The following FAM227A variants were observed in gnomAD, a reference collection of about 807,000 sequenced individuals.
FAM227A encodes the protein family with sequence similarity 227 member A, also known as protein FAM227A.
FAM227A carries 80 observed loss-of-function variants against 74.7 expected under a neutral mutation model. The observed-to-expected ratio is 1.07, with a 90% CI of 0.89 to 1.29. The LOEUF (loss-of-function observed/expected upper bound fraction) is 1.29, where lower values mean the gene tolerates loss of function less well. Ranked by LOEUF, FAM227A falls within the 50% of genes most tolerant of loss-of-function variation. The probability of loss-of-function intolerance (pLI) is 0.00; values close to 1 mark genes in which losing one functional copy is unlikely to be tolerated. For synonymous variants in FAM227A, 237 were observed against 241.8 expected, an observed-to-expected ratio of 0.98 and a Z score of 0.19; for missense variants, 654 against 683.4, an observed-to-expected ratio of 0.96 and a Z score of 0.48.
Position 38,628,361 on chromosome 22 carries a change from A to C in FAM227A, c.622-19T>G, listed in dbSNP as rs548988659. 3 of 1,491,390 alleles carry C rather than the reference A, an allele frequency of 2.0e-6. No homozygotes were observed. The highest frequency in any genetic ancestry group is 2.7e-6 in the Non-Finnish European group (3 of 1,092,974). 92.4% of individuals were successfully genotyped at this position (1,491,390 alleles called of 1,614,324 possible). A position where few individuals can be genotyped will look rare whatever the true frequency, so the allele number is the denominator to read the frequency against. ...TGTTTGGCTGCCAGGAATAGAAATG[A>C]AAAAGGAATTACTAAAGTCCCTTGC... On this transcript the variant is annotated intron_variant, in intron 7 of 16. Coordinates refer to ENST00000535113, the MANE Select transcript of FAM227A (RefSeq NM_001013647.2).
intron 16 of FAM227A, among the ~76,000 whole-genome samples, chr22:38,589,719 TAAA>T (rs2146132659): frequency 6.6e-6 from 1 of 152,272 alleles, no homozygotes; most frequent in South Asian, 2.1e-4. Flanking sequence ...TTCTCAACAG[TAAA>T]AGCAGCAGGC....
At chr22:38,600,370 A>G (rs368266830) in intron 13 of FAM227A, among the ~76,000 whole-genome samples, 4 of 151,578 alleles carry the variant, frequency 2.6e-5, no homozygotes, top group Admixed American at 6.6e-5. Context: ...GTCTCAATCT[A>G]TCGCCCAGGC....
At chr22:38,634,538 G>A (rs1188076611) in intron 6 of FAM227A, among the ~76,000 whole-genome samples, 1 of 152,110 alleles carries the variant, frequency 6.6e-6, no homozygotes, top group Non-Finnish European at 1.5e-5. Flanking sequence ...ACACCTCAAG[G>A]TAGAGACTGA....
intron 13 of FAM227A, among the ~76,000 whole-genome samples, chr22:38,602,784 C>T (rs932508973): frequency 5.3e-5 from 8 of 152,196 alleles, no homozygotes; most frequent in African/African-American, 1.9e-4. Flanking sequence ...CAGCGTCCTT[C>T]CCCTTTCCTA....
intron 16 of FAM227A, among the ~76,000 whole-genome samples, chr22:38,587,516 C>T (rs1459899808): frequency 6.6e-6 from 1 of 152,034 alleles, no homozygotes; most frequent in African/African-American, 2.4e-5. Flanking sequence ...ATTACCAAAA[C>T]TGACTCAAGA....
In FAM227A at chr22:38,607,415, C is replaced by T. The variant is rs762100398; in HGVS notation, c.1100G>A (p.Ser367Asn). Residue 367 changes from serine (S) to asparagine (N), a missense_variant, in exon 12 of 17, where the codon AGC (serine) becomes AAC (asparagine). By Grantham distance (46) the Ser-to-Asn change is conservative (BLOSUM62 1). Transcript: ENST00000535113. ...TTTTGCAGTATTCTGCATTCGTAAG[C>T]TTTTTTCTGAGTTCTGCTTGGCCGA... ...TSSAKQNSEK[S>N]LRMQNTAKEH... is the part of the protein sequence containing the mutation. The T allele has an allele frequency of 1.9e-6, 3 of 1,551,284 alleles. No individual in the cohort carries two copies. In the South Asian group the frequency reaches 3.6e-5, roughly 18 times the overall value.
chr22:38,647,953 CTT>C (rs1034050830), intron 2 of FAM227A, among the ~76,000 whole-genome samples: 3 of 152,194 alleles, frequency 2.0e-5, no homozygotes, highest in African/African-American at 7.2e-5. Context: ...TGGGATCACA[CTT>C]TGCCTCATCT....
At chr22:38,607,215 C>A (rs2091303296) in intron 12 of FAM227A, among the ~76,000 whole-genome samples, 174 bp downstream of exon 12, 1 of 147,706 alleles carries the variant, frequency 6.8e-6, no homozygotes, top group African/African-American at 2.5e-5. Context: ...GCTTATTGAA[C>A]TGAAAAGACA....
intron 14 of FAM227A, among the ~76,000 whole-genome samples, chr22:38,599,297 T>C (rs993450871): frequency 6.6e-6 from 1 of 152,016 alleles, no homozygotes; most frequent in Non-Finnish European, 1.5e-5. Context: ...AGCTTTCTAT[T>C]AGATCTTTAG....
intron 11 of FAM227A, among the ~76,000 whole-genome samples, chr22:38,617,120 C>T (rs2091594526): frequency 6.6e-6 from 1 of 152,018 alleles, no homozygotes; most frequent in Non-Finnish European, 1.5e-5. Flanking sequence ...AGTGGTGCGG[C>T]CAGGCAGCAC....
chr22:38,609,339 A>C (rs997916365), intron 11 of FAM227A, among the ~76,000 whole-genome samples: 5 of 152,172 alleles, frequency 3.3e-5, no homozygotes, highest in Non-Finnish European at 7.3e-5. Flanking sequence ...CCCAGCAAAA[A>C]ATTGGAGGTT....
chr22:38,626,010 T>C (rs911624666), intron 9 of FAM227A, among the ~76,000 whole-genome samples, 170 bp downstream of exon 9: 2 of 151,644 alleles, frequency 1.3e-5, no homozygotes, highest in African/African-American at 4.9e-5. Flanking sequence ...GCAGGAAAAT[T>C]TGTATTCCTT....
At chr22:38,630,051 C>G (rs2091886791) in intron 6 of FAM227A, among the ~76,000 whole-genome samples, 1 of 148,520 alleles carries the variant, frequency 6.7e-6, no homozygotes, top group Non-Finnish European at 1.5e-5. Context: ...TTTGCCATCA[C>G]TCACACACAG....
chr22:38,621,605 A>T (rs1209385980), intron 10 of FAM227A, among the ~76,000 whole-genome samples: 1 of 152,092 alleles, frequency 6.6e-6, no homozygotes, highest in Non-Finnish European at 1.5e-5. Context: ...ACTCCAAAAA[A>T]CCAAAAAGTG....
At chr22:38,638,210 T>TG (rs1322974258) in intron 5 of FAM227A, among the ~76,000 whole-genome samples, 2 of 151,664 alleles carry the variant, frequency 1.3e-5, no homozygotes, top group East Asian at 1.9e-4. Flanking sequence ...GGATCTGAAA[T>TG]GGGGGGCTGT....
At chr22:38,640,234 C>T (rs971664179) in intron 3 of FAM227A, among the ~76,000 whole-genome samples, 11 of 152,064 alleles carry the variant, frequency 7.2e-5, no homozygotes, top group Non-Finnish European at 1.3e-4. Flanking sequence ...GGGGTTTCAC[C>T]GTGTTAGCCA....
intron 6 of FAM227A, among the ~76,000 whole-genome samples, chr22:38,632,635 G>C (rs2091936128): frequency 6.6e-6 from 1 of 152,192 alleles, no homozygotes; most frequent in Non-Finnish European, 1.5e-5. Flanking sequence ...GGTTTGTGCA[G>C]AGAGAGACGA....
Position 38,605,215 on chromosome 22 carries a change from G to GA in FAM227A, c.1221+38dup, listed in dbSNP as rs753585800. On this transcript the variant is annotated intron_variant, in intron 13 of 16. Transcript: ENST00000535113. ...CTTACCACACCTCTCACCCCCTTTG[G>GA]AATCACCTTTACTATTAAATTTCCA... The GA allele has an allele frequency of 1.3e-5, 16 of 1,188,268 alleles. No individual in the cohort carries two copies. In the African/African-American group the frequency reaches 2.3e-4, roughly 17 times the overall value. 73.6% of individuals were successfully genotyped at this position (1,188,268 alleles called of 1,614,324 possible).
intron 12 of FAM227A, 92 bp from the exon 13 acceptor site, chr22:38,605,440 C>T: frequency 1.4e-6 from 1 of 698,584 alleles, no homozygotes; most frequent in Non-Finnish European, 2.5e-6. Context: ...CAGGTGTGTG[C>T]CACCGCACCC....
Sources: gnomAD v4.1 joint callset for allele counts (sites outside exome capture counted in the v4.1 genomes callset) on GRCh38, gnomAD v4.1.1 for gene constraint, MANE v1.5 for transcripts, NCBI Gene and HGNC (gene_info 2026-07-23, HGNC 2026-07-21) for gene names.